Variants in COL14A1 observed in about 807,000 individuals in gnomAD.
COL14A1 encodes the protein collagen type XIV alpha 1 chain.
Under a neutral mutation model 230.3 loss-of-function variants are expected in COL14A1, and 136 were observed. The ratio of observed to expected loss-of-function variants is 0.59; its 90% CI spans 0.51 to 0.68. COL14A1 has a LOEUF of 0.68. Among genes scored for constraint, COL14A1 ranks in the 30% least tolerant of loss-of-function variants. COL14A1 has a pLI of 0.00. For synonymous variants in COL14A1, 792 were observed against 784.1 expected (o/e 1.01, Z -0.17); for missense variants, 1,976 against 2,215.8 (o/e 0.89, Z 2.17).
chr8:120,178,132 C>T (rs1295902562), intron 5 of COL14A1, among the ~76,000 whole-genome samples: 4 of 151,904 alleles, frequency 2.6e-5, no homozygotes, highest in African/African-American at 4.8e-5. Flanking sequence ...ATGTGCAGAA[C>T]GTGCAGTTTT....
chr8:120,158,279 T>C, intron 3 of COL14A1, 33 bp downstream of exon 3: 1 of 1,266,792 alleles, frequency 7.9e-7, no homozygotes, highest in Non-Finnish European at 1.2e-6. Context: ...TGTAGAGCAT[T>C]AGCAACTTTT....
At position 120,330,828 on chromosome 8, in the gene COL14A1, G is replaced by A. The variant is rs375527228; in HGVS notation, c.4660-1313G>A. On this transcript the variant is annotated intron_variant, in intron 40 of 47. Coordinates refer to ENST00000297848, the MANE Select transcript of COL14A1 (RefSeq NM_021110.4). ...AGACCTAAAAGATGGATTTTCTGTC[G>A]GGTGTGGTGGCTCATGCCTGTAATC... 9.9e-5 allele frequency among the ~76,000 whole-genome samples: 15 copies of A among 152,196 alleles called. No homozygotes were observed. The South Asian group carries it at 1.2e-3, about 13-fold the overall frequency.
chr8:120,274,319 A>C (rs1819772845), intron 26 of COL14A1, among the ~76,000 whole-genome samples: 1 of 151,936 alleles, frequency 6.6e-6, no homozygotes, highest in Non-Finnish European at 1.5e-5. Context: ...AATAGAAAGG[A>C]CATACCTCAA....
intron 16 of COL14A1, among the ~76,000 whole-genome samples, chr8:120,226,973 AT>A (rs1469614323): frequency 6.6e-6 from 1 of 152,114 alleles, no homozygotes; most frequent in African/African-American, 2.4e-5. Flanking sequence ...ATATTTATAT[AT>A]TTTCAGATTC....
At chr8:120,299,223 T>TA (rs1357113387) in intron 35 of COL14A1, among the ~76,000 whole-genome samples, 1 of 152,044 alleles carries the variant, frequency 6.6e-6, no homozygotes, top group African/African-American at 2.4e-5. Context: ...CAGTAAGACT[T>TA]ACCGTATCAA....
intron 1 of COL14A1, among the ~76,000 whole-genome samples, chr8:120,128,516 C>A (rs891716139): frequency 2.0e-5 from 3 of 152,102 alleles, no homozygotes; most frequent in African/African-American, 7.2e-5. Flanking sequence ...GGGAGGATCA[C>A]CTGAGGTCAA....
intron 13 of COL14A1, among the ~76,000 whole-genome samples, chr8:120,213,595 T>G (rs1056308805): frequency 7.9e-5 from 12 of 152,094 alleles, no homozygotes; most frequent in Admixed American, 5.2e-4. Context: ...AGAAAAGAAA[T>G]AAATCATGCT....
intron 2 of COL14A1, among the ~76,000 whole-genome samples, chr8:120,153,215 C>A (rs1586720795): frequency 6.6e-6 from 1 of 152,244 alleles, no homozygotes; most frequent in East Asian, 1.9e-4. Context: ...TTTGTTGAGC[C>A]AGAGTCTTGC....
intron 25 of COL14A1, among the ~76,000 whole-genome samples, chr8:120,267,746 G>A (rs1374842425): frequency 5.3e-5 from 8 of 151,840 alleles, no homozygotes; most frequent in Non-Finnish European, 1.2e-4. Context: ...GAGTTATGGA[G>A]TGGTTAATGT....
intron 36 of COL14A1, among the ~76,000 whole-genome samples, chr8:120,305,919 G>A (rs1006085987): frequency 3.9e-5 from 6 of 152,012 alleles, no homozygotes; most frequent in African/African-American, 1.2e-4. Flanking sequence ...TACTTTGCCA[G>A]TATGATGAGT....
At chr8:120,179,863 T>C (rs1048372499) in intron 5 of COL14A1, among the ~76,000 whole-genome samples, 6 of 152,044 alleles carry the variant, frequency 3.9e-5, no homozygotes, top group Admixed American at 3.3e-4. Context: ...TATAGAACAA[T>C]GGAACAGAAG....
chr8:120,158,950 G>T (rs572151762), intron 3 of COL14A1, among the ~76,000 whole-genome samples: 1 of 152,254 alleles, frequency 6.6e-6, no homozygotes, highest in South Asian at 2.1e-4. Context: ...TGGTTGTTAT[G>T]AAGATGAAGA....
intron 34 of COL14A1, among the ~76,000 whole-genome samples, chr8:120,294,107 A>G (rs1820452480): frequency 6.6e-6 from 1 of 151,846 alleles, no homozygotes; most frequent in Non-Finnish European, 1.5e-5. Flanking sequence ...AGATATTTAT[A>G]TAAATTCAGG....
intron 33 of COL14A1, among the ~76,000 whole-genome samples, chr8:120,287,590 C>A (rs998686578): frequency 2.0e-5 from 3 of 152,048 alleles, no homozygotes; most frequent in Non-Finnish European, 4.4e-5. Context: ...TATTTCCTTA[C>A]CAGAAGAACT....
intron 21 of COL14A1, among the ~76,000 whole-genome samples, chr8:120,250,175 GT>G (rs1363109235): frequency 1.3e-5 from 2 of 152,186 alleles, no homozygotes; most frequent in African/African-American, 4.8e-5. Flanking sequence ...ATTGATGCTG[GT>G]TCACAATGTG....
chr8:120,198,069 A>T (rs1817103144), intron 7 of COL14A1, 139 bp downstream of exon 7: 2 of 821,562 alleles, frequency 2.4e-6, no homozygotes, highest in South Asian at 3.5e-5. Context: ...CTGTTTTCCC[A>T]AACTCAGCAT....
At chr8:120,192,036 T>G (rs936669376) in intron 5 of COL14A1, among the ~76,000 whole-genome samples, 9 of 151,762 alleles carry the variant, frequency 5.9e-5, no homozygotes, top group Admixed American at 5.9e-4. Context: ...GAGCATTTAG[T>G]CCATTTACAT....
chr8:120,295,147 T>G (rs1586839552), intron 34 of COL14A1, among the ~76,000 whole-genome samples: 1 of 151,964 alleles, frequency 6.6e-6, no homozygotes, highest in East Asian at 1.9e-4. Context: ...GAAAATTTCT[T>G]AATGGATAAA....
intron 14 of COL14A1, among the ~76,000 whole-genome samples, chr8:120,220,053 G>A (rs1817880373): frequency 6.6e-6 from 1 of 151,838 alleles, no homozygotes; most frequent in Admixed American, 6.6e-5. Flanking sequence ...TGAGGTTGCT[G>A]GATAAGCATC....
Sources: gnomAD v4.1 joint callset for allele counts (sites outside exome capture counted in the v4.1 genomes callset) on GRCh38, gnomAD v4.1.1 for gene constraint, MANE v1.5 for transcripts, NCBI Gene and HGNC (gene_info 2026-07-23, HGNC 2026-07-21) for gene names.